Variants in CDKL1 observed in about 807,000 individuals in gnomAD.
The protein encoded by CDKL1 is cyclin dependent kinase like 1, also known as cyclin-dependent kinase-like 1.
In CDKL1, 41 loss-of-function variants were observed where a neutral mutation model predicts 42.0. The ratio of observed to expected loss-of-function variants is 0.98; its 90% CI spans 0.76 to 1.27. The LOEUF (loss-of-function observed/expected upper bound fraction) is 1.27, where lower values mean the gene tolerates loss of function less well. CDKL1 is among the 50% of genes most tolerant of loss of function. The probability of loss-of-function intolerance (pLI) is 0.00; values close to 1 mark genes in which losing one functional copy is unlikely to be tolerated. For missense variants in CDKL1, 394 were observed against 428.4 expected, an observed-to-expected ratio of 0.92 and a Z score of 0.71; for synonymous variants, 153 against 158.6, an observed-to-expected ratio of 0.96 and a Z score of 0.26.
At chr14:50,382,750 C>T (rs1001368135) in intron 2 of CDKL1, among the ~76,000 whole-genome samples, 1 of 144,836 alleles carries the variant, frequency 6.9e-6, no homozygotes. Context: ...CACACCACCA[C>T]ACCTGGGTAA....
At chr14:50,357,520 A>T (rs1381712405) in intron 3 of CDKL1, among the ~76,000 whole-genome samples, 1 of 152,112 alleles carries the variant, frequency 6.6e-6, no homozygotes, top group African/African-American at 2.4e-5. Context: ...GAACACAGCC[A>T]AAAAAGGAAA....
At chr14:50,366,845 TG>T (rs1378772602) in intron 2 of CDKL1, among the ~76,000 whole-genome samples, 1 of 151,008 alleles carries the variant, frequency 6.6e-6, no homozygotes, top group Non-Finnish European at 1.5e-5. Flanking sequence ...CTGGGGCAGA[TG>T]GTGATGCCAT....
At chr14:50,348,825 G>A (rs1044272826) in intron 3 of CDKL1, among the ~76,000 whole-genome samples, 23 of 152,152 alleles carry the variant, frequency 1.5e-4, no homozygotes, top group African/African-American at 4.8e-4. Context: ...TATGGAGGAT[G>A]AAGAGAACAT....
At chr14:50,375,087 C>T (rs1324782056) in intron 2 of CDKL1, among the ~76,000 whole-genome samples, 1 of 151,764 alleles carries the variant, frequency 6.6e-6, no homozygotes, top group Non-Finnish European at 1.5e-5. Flanking sequence ...ACATGTATCC[C>T]GGAACTTATT....
chr14:50,335,334 C>CTAAT (rs1193324441), intron 7 of CDKL1: 1 of 309,196 alleles, frequency 3.2e-6, no homozygotes, highest in Non-Finnish European at 6.1e-6. Flanking sequence ...AGCTCTAATT[C>CTAAT]TAATTATATA....
At chr14:50,349,254 T>C (rs2033823314) in intron 3 of CDKL1, among the ~76,000 whole-genome samples, 1 of 152,168 alleles carries the variant, frequency 6.6e-6, no homozygotes, top group Admixed American at 6.5e-5. Context: ...GAATATTATC[T>C]TCAACCAAAA....
At chr14:50,370,255 G>A (rs2034554175) in intron 2 of CDKL1, among the ~76,000 whole-genome samples, 1 of 152,004 alleles carries the variant, frequency 6.6e-6, no homozygotes, top group South Asian at 2.1e-4. Context: ...TTTTAGTAAA[G>A]ACAAAATTTC....
chr14:50,371,741 T>G (rs1446346767), intron 2 of CDKL1, among the ~76,000 whole-genome samples: 2 of 152,204 alleles, frequency 1.3e-5, no homozygotes, highest in Non-Finnish European at 2.9e-5. Flanking sequence ...CCCAGGCAGC[T>G]GCAGACACCC....
intron 9 of CDKL1, chr14:50,331,843 G>C: frequency 1.6e-6 from 1 of 617,314 alleles, no homozygotes; most frequent in South Asian, 2.1e-5. Context: ...TCTGACAAAG[G>C]ATCAGGGAGG....
intron 3 of CDKL1, among the ~76,000 whole-genome samples, chr14:50,355,520 CT>C (rs2034029709): frequency 6.6e-6 from 1 of 152,186 alleles, no homozygotes; most frequent in Admixed American, 6.5e-5. Flanking sequence ...GATTATTCTT[CT>C]TTAAAATCAT....
chr14:50,364,218 C>T (rs998504118), intron 2 of CDKL1, among the ~76,000 whole-genome samples: 70 of 152,314 alleles, frequency 4.6e-4, no homozygotes, highest in African/African-American at 1.7e-3. Flanking sequence ...GCCTGTAATC[C>T]CAGCACTTTG....
rs769571579 is a variant in CDKL1, at chr14:50,345,023, TGC to T, written c.324_325del (p.Trp108Ter). On this transcript the variant is annotated stop_gained and frameshift_variant, in exon 4 of 10. Transcript: ENST00000395834. LOFTEE classifies it high-confidence loss of function. ...GCAAAAATTTACAGCTTGCAGTGTCTGCCAAGTTATGCTCTTCACGAGATGTT... is the reference window on the plus strand; with the variant it reads ...GCAAAAATTTACAGCTTGCAGTGTCTCAAGTTATGCTCTTCACGAGATGTT... 1.2e-6 allele frequency: 2 copies of T among 1,614,096 alleles called. No individual in the cohort carries two copies. Among genetic ancestry groups the T allele is most frequent in the Non-Finnish European group, 1.7e-6 (2 of 1,180,000 alleles).
chr14:50,335,400 A>G (rs1029858340), intron 7 of CDKL1: 2 of 1,307,106 alleles, frequency 1.5e-6, no homozygotes, highest in Middle Eastern at 2.3e-4. Context: ...ATGCTTCTTG[A>G]TTTTCTGGAA....
chr14:50,380,482 G>T (rs547032414), intron 2 of CDKL1, among the ~76,000 whole-genome samples: 2 of 152,324 alleles, frequency 1.3e-5, no homozygotes, highest in South Asian at 4.1e-4. Context: ...CAGTAAGTTA[G>T]ATCAAAAGCA....
intron 5 of CDKL1, 98 bp from the exon 6 acceptor site, chr14:50,341,330 G>A: frequency 6.9e-7 from 1 of 1,449,512 alleles, no homozygotes; most frequent in South Asian, 1.5e-5. Context: ...CCAATTTTGT[G>A]GCCTTTCTAT....
intron 2 of CDKL1, chr14:50,390,528 G>T: frequency 3.5e-6 from 1 of 288,316 alleles, no homozygotes; most frequent in Non-Finnish European, 6.9e-6. Flanking sequence ...GTTTGTTTTG[G>T]TTTGTATTAC....
At chr14:50,339,150 C>G in intron 6 of CDKL1, 121 bp from the exon 7 acceptor site, 1 of 720,760 alleles carries the variant, frequency 1.4e-6, no homozygotes, top group South Asian at 1.4e-5. Flanking sequence ...TGTTCTTGGG[C>G]AATCAGAAGG....
chr14:50,332,607 CA>C, intron 8 of CDKL1, 175 bp from the exon 9 acceptor site: 1 of 1,491,072 alleles, frequency 6.7e-7, no homozygotes, highest in South Asian at 1.2e-5. Context: ...ATGGCACTCA[CA>C]TATTAAATAA....
intron 7 of CDKL1, chr14:50,335,056 C>T (rs2139371544): frequency 9.6e-6 from 2 of 209,162 alleles, no homozygotes; most frequent in Middle Eastern, 2.0e-3. Flanking sequence ...TCCACTCAGG[C>T]CAAGTCTGAT....
Sources: gnomAD v4.1 joint callset for allele counts (sites outside exome capture counted in the v4.1 genomes callset) on GRCh38, gnomAD v4.1.1 for gene constraint, MANE v1.5 for transcripts, NCBI Gene and HGNC (gene_info 2026-07-23, HGNC 2026-07-21) for gene names.